The following BLNK variants were observed in gnomAD, a reference collection of about 807,000 sequenced individuals.
BLNK encodes the protein B cell linker.
A neutral mutation model predicts 73.5 loss-of-function variants in BLNK; 29 were observed. That is an observed-to-expected ratio of 0.39 (90% CI 0.29 to 0.54). The LOEUF is 0.54. BLNK is among the 20% of genes least tolerant of loss of function. The pLI, the probability that BLNK is intolerant of heterozygous loss-of-function variation, is 0.61. For synonymous variants in BLNK, 176 were observed against 200.8 expected (o/e 0.88, Z 1.04); for missense variants, 460 against 562.8 (o/e 0.82, Z 1.85).
intron 1 of BLNK, among the ~76,000 whole-genome samples, chr10:96,251,162 T>A (rs1843267839): frequency 6.6e-6 from 1 of 152,236 alleles, no homozygotes; most frequent in African/African-American, 2.4e-5. Flanking sequence ...TTCACACAAA[T>A]TCTGATGTCT....
rs377386204 is a variant in BLNK at position 96,226,773 on chromosome 10, T to C, written c.361+637A>G. Among the ~76,000 whole-genome samples, 20 of 151,766 alleles carry C rather than the reference T, an allele frequency of 1.3e-4. No homozygotes were observed. The East Asian group carries it at 3.1e-3, about 24-fold the overall frequency. The stretch of plus-strand genomic sequence containing the variant: ...GGAGGCTGGACCCAGGAGGCAGAGG[T>C]TGCAGTGAAGCGAGTTCATGCCACT... On this transcript the variant is annotated intron_variant, in intron 5 of 16. Coordinates refer to ENST00000224337, the MANE Select transcript of BLNK (RefSeq NM_013314.4).
At chr10:96,270,399 T>TA (rs782479525) in intron 1 of BLNK, among the ~76,000 whole-genome samples, 2 of 152,142 alleles carry the variant, frequency 1.3e-5, no homozygotes, top group Non-Finnish European at 2.9e-5. Context: ...GGCTAAGTTC[T>TA]AATATGTAGT....
At chr10:96,263,116 G>A (rs558706282) in intron 1 of BLNK, among the ~76,000 whole-genome samples, 3 of 152,350 alleles carry the variant, frequency 2.0e-5, no homozygotes, top group Non-Finnish European at 2.9e-5. Context: ...CCCCCGACCA[G>A]CACTGGCTGC....
At position 96,227,424 on chromosome 10, in the gene BLNK, C is replaced by T; in HGVS notation, c.347G>A (p.Arg116Lys). Reference protein sequence around the residue: ...RPVHPALPFARGEYIDNRSSQ... With the variant: ...RPVHPALPFAKGEYIDNRSSQ... ...GGGGACCTCACCTATATACTCGCCT[C>T]TGGCGAAGGGCAGGGCTGGGTGAAC... is the stretch of plus-strand genomic sequence containing the variant. The change falls in exon 5 of 17, where the codon AGA becomes AAA. Residue 116 changes from arginine to lysine, a missense_variant. This residue lies in a region of BLNK where 139 missense variants were observed against 187.3 expected (regional missense o/e 0.74). Transcript: ENST00000224337. 2 of 1,614,058 alleles carry T rather than the reference C, an allele frequency of 1.2e-6. No individual in the cohort carries two copies. The highest frequency in any genetic ancestry group is 2.2e-5 in the South Asian group (2 of 91,088).
chr10:96,218,031 C>T (rs2084108786), intron 6 of BLNK, among the ~76,000 whole-genome samples: 1 of 152,196 alleles, frequency 6.6e-6, no homozygotes, highest in African/African-American at 2.4e-5. Flanking sequence ...CATCTAGCAC[C>T]ATTTACCTAG....
chr10:96,227,378 G>T (rs781927540), intron 5 of BLNK, 32 bp downstream of exon 5: 1 of 1,608,506 alleles, frequency 6.2e-7, no homozygotes, highest in Non-Finnish European at 8.5e-7. Context: ...GGGCCTGGAA[G>T]GCCGAGTGCC....
intron 4 of BLNK, among the ~76,000 whole-genome samples, chr10:96,229,878 T>C (rs782236758): frequency 6.6e-6 from 1 of 152,072 alleles, no homozygotes; most frequent in Non-Finnish European, 1.5e-5. Context: ...AGACTCTGTA[T>C]AAACTCCAGG....
intron 1 of BLNK, among the ~76,000 whole-genome samples, chr10:96,270,340 T>C (rs1844216722): frequency 1.3e-5 from 2 of 152,230 alleles, no homozygotes; most frequent in African/African-American, 2.4e-5. Context: ...CTCATTGTTA[T>C]CTGTGATTAC....
rs982242149 is a variant in BLNK at position 96,256,551 on chromosome 10, C to G, written c.48-9502G>C. ...TTATTTTTGTTACTAAATTTTAAAACAGCTATATGATAGAAAATTGAAAAC... is the reference window on the plus strand; with the variant it reads ...TTATTTTTGTTACTAAATTTTAAAAGAGCTATATGATAGAAAATTGAAAAC... On this transcript the variant is annotated intron_variant, in intron 1 of 16. Coordinates refer to ENST00000224337, the MANE Select transcript of BLNK (RefSeq NM_013314.4). 3.9e-5 allele frequency among the ~76,000 whole-genome samples: 6 copies of G among 151,916 alleles called. No homozygotes were observed. The South Asian group carries it at 1.2e-3, about 32-fold the overall frequency.
At chr10:96,240,783 G>A (rs1554906066) in intron 3 of BLNK, among the ~76,000 whole-genome samples, 5 of 152,184 alleles carry the variant, frequency 3.3e-5, no homozygotes, top group African/African-American at 1.2e-4. Context: ...TGGTCTACAC[G>A]ACCTCTGGGG....
Position 96,223,530 on chromosome 10 carries a change from G to A in BLNK, c.525+296C>T, listed in dbSNP as rs180899622. Among the ~76,000 whole-genome samples the A allele has an allele frequency of 3.9e-5, 6 of 152,306 alleles. No individual in the cohort carries two copies. The East Asian group carries it at 5.8e-4, about 15-fold the overall frequency. On this transcript the variant is annotated intron_variant, in intron 6 of 16. Transcript: ENST00000224337. Reference sequence around the variant, plus strand: ...GCAAAGGAGAATAAAGAGAGAGGAAGAACATCTTAGGAAGGAAAGAAGAGA... The same window carrying A: ...GCAAAGGAGAATAAAGAGAGAGGAAAAACATCTTAGGAAGGAAAGAAGAGA...
In BLNK at chr10:96,223,883, C is replaced by T; in HGVS notation, c.468G>A (p.Leu156=). The change falls in exon 6 of 17, where the codon CTG becomes CTA. Residue 156 remains leucine, a synonymous_variant. Transcript: ENST00000224337. ...KARLTSTLPA[L]TALQKPQVPP... is the part of the protein sequence containing the mutation. Reference sequence around the variant, plus strand: ...GGACTTGAGGTTTCTGCAAAGCAGTCAGGGCCGGCAGGGTGGAGGTGAGCC... The same window carrying T: ...GGACTTGAGGTTTCTGCAAAGCAGTTAGGGCCGGCAGGGTGGAGGTGAGCC... 6.2e-7 allele frequency: 1 copy of T among 1,613,844 alleles called. No homozygotes were observed. Among genetic ancestry groups the T allele is most frequent in the Non-Finnish European group, 8.5e-7 (1 of 1,180,004 alleles).
At chr10:96,229,686 G>GT (rs1842422609) in intron 4 of BLNK, among the ~76,000 whole-genome samples, 1 of 151,642 alleles carries the variant, frequency 6.6e-6, no homozygotes, top group African/African-American at 2.4e-5. Flanking sequence ...GTGTGTGTGT[G>GT]TTCGTGTGTG....
intron 5 of BLNK, among the ~76,000 whole-genome samples, chr10:96,226,439 G>A (rs957403906): frequency 6.6e-6 from 1 of 152,110 alleles, no homozygotes; most frequent in African/African-American, 2.4e-5. Context: ...ATGTAGAGCC[G>A]GTCCATACAA....
intron 1 of BLNK, among the ~76,000 whole-genome samples, chr10:96,267,999 G>A (rs797034893): frequency 7.2e-5 from 11 of 152,202 alleles, no homozygotes; most frequent in African/African-American, 2.7e-4. Flanking sequence ...TTACAGGTGA[G>A]GAAACCAAGG....
At chr10:96,256,767 G>A (rs1843533474) in intron 1 of BLNK, among the ~76,000 whole-genome samples, 1 of 151,400 alleles carries the variant, frequency 6.6e-6, no homozygotes, top group African/African-American at 2.4e-5. Flanking sequence ...TGTAATCCCA[G>A]CTACTTGGGA....
At chr10:96,193,049 C>T (rs926215428) in intron 16 of BLNK, among the ~76,000 whole-genome samples, 2 of 152,082 alleles carry the variant, frequency 1.3e-5, no homozygotes, top group African/African-American at 4.8e-5. Flanking sequence ...GTAAAATATT[C>T]AGAATATTGG....
chr10:96,242,708 A>G lies in BLNK; in HGVS notation c.163+27T>C, dbSNP rs17111508. The G allele has an allele frequency of 5.9e-4, 943 of 1,599,994 alleles. 9 individuals are homozygous for G. The African/African-American group carries it at 0.011, about 19-fold the overall frequency. On this transcript the variant is annotated intron_variant, in intron 3 of 16. Transcript: ENST00000224337. ...ATGAACATTAAATTAGTCAAGAGTCAGTTAAAGTATCTGAGAAATACCTTA... is the reference window on the plus strand; with the variant it reads ...ATGAACATTAAATTAGTCAAGAGTCGGTTAAAGTATCTGAGAAATACCTTA...
chr10:96,252,251 T>C (rs1174640574), intron 1 of BLNK, among the ~76,000 whole-genome samples: 1 of 151,938 alleles, frequency 6.6e-6, no homozygotes, highest in Non-Finnish European at 1.5e-5. Flanking sequence ...CAGGGTTTCA[T>C]TATGTTGGCC....
Sources: allele counts gnomAD v4.1 joint callset (sites outside exome capture counted in the v4.1 genomes callset), GRCh38; gene constraint gnomAD v4.1.1; regional missense constraint gnomAD v4.1.1; transcripts MANE v1.5; gene names NCBI Gene and HGNC (gene_info 2026-07-23, HGNC 2026-07-21).